CCT3: variants seen among roughly 807,000 people sequenced by gnomAD.
CCT3 encodes the protein chaperonin containing TCP1 subunit 3, also known as T-complex protein 1 subunit gamma.
In CCT3, 10 loss-of-function variants were observed where a neutral mutation model predicts 65.3. That is an observed-to-expected ratio of 0.15 (90% CI 0.09 to 0.26). The LOEUF is 0.26. Among genes scored for constraint, CCT3 ranks in the 10% least tolerant of loss-of-function variants. CCT3 has a pLI of 1.00. For synonymous variants in CCT3, 225 were observed against 242.3 expected (o/e 0.93, Z 0.66); for missense variants, 626 against 708.7 (o/e 0.88, Z 1.33).
At chr1:156,328,009 G>A (rs982238222) in intron 5 of CCT3, among the ~76,000 whole-genome samples, 2 of 93,168 alleles carry the variant, frequency 2.1e-5, no homozygotes, top group South Asian at 3.9e-4. Context: ...GAGCCCCTCC[G>A]TCCGGCAGCC....
intron 5 of CCT3, among the ~76,000 whole-genome samples, chr1:156,331,041 G>A (rs1194639056): frequency 3.3e-5 from 5 of 151,814 alleles, no homozygotes; most frequent in African/African-American, 1.2e-4. Flanking sequence ...AGACCAGCCT[G>A]GCCAATATGG....
At chr1:156,313,962 C>G (rs371212334) in intron 10 of CCT3, among the ~76,000 whole-genome samples, 1 of 151,924 alleles carries the variant, frequency 6.6e-6, no homozygotes, top group Non-Finnish European at 1.5e-5. Flanking sequence ...GTGGTGCGCA[C>G]CTGTAGTCCC....
chr1:156,319,568 A>G (rs1239400904), intron 7 of CCT3, among the ~76,000 whole-genome samples: 1 of 152,126 alleles, frequency 6.6e-6, no homozygotes. Context: ...ATGACTTGAC[A>G]AAAGACTTAG....
At chr1:156,334,432 C>T (rs1266621807) in intron 4 of CCT3, among the ~76,000 whole-genome samples, 2 of 152,142 alleles carry the variant, frequency 1.3e-5, no homozygotes, top group Admixed American at 6.5e-5. Context: ...AAGACCAAGG[C>T]AGAGACCAAG....
Position 156,316,619 on chromosome 1 carries a change from G to A in CCT3, c.974+547C>T, listed in dbSNP as rs917168812. On this transcript the variant is annotated intron_variant, in intron 10 of 13. Coordinates refer to ENST00000295688, the MANE Select transcript of CCT3 (RefSeq NM_005998.5). ...CGCATGCCAATAGTTTCAGGTACTG[G>A]AAAGGCTGACAACAGGATGACTGCT... is the stretch of plus-strand genomic sequence containing the variant. 7.2e-5 allele frequency among the ~76,000 whole-genome samples: 11 copies of A among 152,230 alleles called. No homozygotes were observed. The South Asian group carries it at 2.3e-3, about 32-fold the overall frequency.
Position 156,317,221 on chromosome 1 carries a change from C to A in CCT3, c.919G>T (p.Ala307Ser), listed in dbSNP as rs2101639363. ...SDLAQHYLMR[A>S]NITAIRRVRK... is the part of the protein sequence containing the mutation. ...ACTCTGCGGATGGCTGTGATATTGG[C>A]CCGCATAAGGTAGTGCTGAGCTAAA... Residue 307 changes from alanine (A) to serine (S), a missense_variant, in exon 10 of 14, where the codon GCC (alanine) becomes TCC (serine). Coordinates refer to ENST00000295688, the MANE Select transcript of CCT3 (RefSeq NM_005998.5). 6.2e-7 allele frequency: 1 copy of A among 1,614,136 alleles called. No homozygotes were observed. Among genetic ancestry groups the A allele is most frequent in the Non-Finnish European group, 8.5e-7 (1 of 1,179,982 alleles).
intron 6 of CCT3, 26 bp downstream of exon 6, chr1:156,324,946 C>T (rs371395752): frequency 7.3e-5 from 106 of 1,449,190 alleles, no homozygotes; most frequent in Non-Finnish European, 1.0e-4. Flanking sequence ...ATATTTGATA[C>T]TACCTATTTC....
rs764501858 is a variant in CCT3 at position 156,312,146 on chromosome 1, C to A, written c.1050G>T (p.Leu350Phe). ...ATTCATCTCCAATTTTCTTGATTTCCAACAGGCCTGCTCCTGTTCCAACAT... is the reference window on the plus strand; with the variant it reads ...ATTCATCTCCAATTTTCTTGATTTCAAACAGGCCTGCTCCTGTTCCAACAT... ...EDDVGTGAGL[L>F]EIKKIGDEYF... Residue 350 changes from leucine (L) to phenylalanine (F), a missense_variant, in exon 11 of 14, where the codon TTG becomes TTT. Physicochemically the swap from Leu to Phe is conservative, Grantham distance 22. Transcript: ENST00000295688. 8.1e-6 allele frequency: 13 copies of A among 1,613,852 alleles called. No homozygotes were observed. The highest frequency in any genetic ancestry group is 1.3e-5 in the African/African-American group (1 of 74,858).
intron 6 of CCT3, among the ~76,000 whole-genome samples, chr1:156,324,389 T>G (rs1002572854): frequency 1.3e-5 from 2 of 152,168 alleles, no homozygotes; most frequent in South Asian, 2.1e-4. Context: ...ACAAAAATTT[T>G]TATTCAAGAC....
At position 156,319,407 on chromosome 1, in the gene CCT3, C is replaced by T. The variant is rs376816635; in HGVS notation, c.610-390G>A. Among the ~76,000 whole-genome samples the T allele has an allele frequency of 2.6e-5, 4 of 152,264 alleles. No individual in the cohort carries two copies. In the South Asian group the frequency reaches 8.3e-4, roughly 32 times the overall value. On this transcript the variant is annotated intron_variant, in intron 7 of 13. Transcript: ENST00000295688. ...CTGGGATTACAGGCATGAGCCACCA[C>T]GCCCGGCCCAGTGTTTCAGGTTTCT... is the stretch of plus-strand genomic sequence containing the variant.
At chr1:156,317,639 C>A in intron 8 of CCT3, 92 bp from the exon 9 acceptor site, 1 of 1,194,838 alleles carries the variant, frequency 8.4e-7, no homozygotes, top group African/African-American at 1.5e-5. Context: ...ACCTCTCCCA[C>A]GTATCTCAGA....
At chr1:156,334,669 G>C in intron 4 of CCT3, 44 bp downstream of exon 4, 2 of 1,581,362 alleles carry the variant, frequency 1.3e-6, no homozygotes, top group Non-Finnish European at 8.7e-7. Context: ...TATGTTTACA[G>C]AACTGTCAGA....
chr1:156,318,814 T>C, intron 8 of CCT3, 54 bp downstream of exon 8: 3 of 1,570,314 alleles, frequency 1.9e-6, no homozygotes, highest in South Asian at 1.1e-5. Context: ...CTGTTGTTCA[T>C]ATTTGCAGTC....
chr1:156,322,543 G>A (rs1664601603), intron 6 of CCT3, among the ~76,000 whole-genome samples: 1 of 151,050 alleles, frequency 6.6e-6, no homozygotes, highest in Non-Finnish European at 1.5e-5. Context: ...TAGGTAGGCA[G>A]TTATTACTTG....
chr1:156,328,682 A>G (rs1390354151), intron 5 of CCT3, among the ~76,000 whole-genome samples: 2 of 151,534 alleles, frequency 1.3e-5, no homozygotes, highest in African/African-American at 4.9e-5. Flanking sequence ...AGTCATCACC[A>G]CTCCCTAATC....
In CCT3 at chr1:156,329,303, C is replaced by CTTTT. The variant is rs765770849; in HGVS notation, c.305-4218_305-4215dup. ...CATTTGTCTCAGAACGTATCCCCAT[C>CTTTT]TTTTTTTTTTTTTTTTTTTTTGAGA... On this transcript the variant is annotated intron_variant, in intron 5 of 13. Transcript: ENST00000295688. Among the ~76,000 whole-genome samples, 143 of 119,488 alleles carry CTTTT rather than the reference C, an allele frequency of 1.2e-3. 1 individual carries two copies. The highest frequency in any genetic ancestry group is 1.6e-3 in the Non-Finnish European group (94 of 58,676). 78.4% of individuals were successfully genotyped at this position (119,488 alleles called of 152,430 possible).
At chr1:156,335,624 G>C (rs1458185796) in intron 2 of CCT3, 1 of 516,984 alleles carries the variant, frequency 1.9e-6, no homozygotes, top group African/African-American at 1.9e-5. Context: ...AAGTTAATAC[G>C]AGAAGATTAT....
chr1:156,313,337 TC>T (rs1664161229), intron 10 of CCT3, among the ~76,000 whole-genome samples: 1 of 38,132 alleles, frequency 2.6e-5, no homozygotes. Flanking sequence ...AGATTCTGTC[TC>T]AAAAAAAAAA....
At chr1:156,330,976 G>T (rs187785143) in intron 5 of CCT3, among the ~76,000 whole-genome samples, 5 of 151,868 alleles carry the variant, frequency 3.3e-5, no homozygotes, top group Non-Finnish European at 4.4e-5. Context: ...CTCACAGCCT[G>T]TAATCCCAGC....
Sources: gnomAD v4.1 joint callset for allele counts (sites outside exome capture counted in the v4.1 genomes callset) on GRCh38, gnomAD v4.1.1 for gene constraint, MANE v1.5 for transcripts, NCBI Gene and HGNC (gene_info 2026-07-23, HGNC 2026-07-21) for gene names.